Variants in C12orf42 observed in about 807,000 individuals in gnomAD.
The protein encoded by C12orf42 is chromosome 12 open reading frame 42.
In C12orf42, 25 loss-of-function variants were observed where a neutral mutation model predicts 21.6. The ratio of observed to expected loss-of-function variants is 1.16; its 90% confidence interval spans 0.84 to 1.62. C12orf42 has a LOEUF of 1.62. C12orf42 is among the 40% of genes most tolerant of loss of function. C12orf42 has a pLI of 0.00. For synonymous variants in C12orf42, 174 were observed against 175.0 expected (o/e 0.99, Z 0.05); for missense variants, 483 against 459.3 (o/e 1.05, Z -0.47).
the C12orf42 span, among the ~76,000 whole-genome samples, chr12:103,158,708 G>A: frequency 4.6e-5 from 7 of 151,900 alleles, no homozygotes; most frequent in Admixed American, 6.6e-5. Flanking sequence ...GTGAAACCCC[G>A]TCTCTACTAA....
At chr12:103,543,160 C>T in the C12orf42 span, among the ~76,000 whole-genome samples, 1 of 152,174 alleles carries the variant, frequency 6.6e-6, no homozygotes, top group Admixed American at 6.5e-5. Flanking sequence ...CTAGAGGTGG[C>T]TCTTAAGGAG....
At chr12:103,277,974 A>C (rs576109384) in intron 4 of C12orf42, among the ~76,000 whole-genome samples, 1 of 152,324 alleles carries the variant, frequency 6.6e-6, no homozygotes, top group South Asian at 2.1e-4. Flanking sequence ...TAAGTTGAAG[A>C]ATAAATCACA....
chr12:103,392,220 A>T (rs2047144138), intron 3 of C12orf42, among the ~76,000 whole-genome samples: 2 of 152,068 alleles, frequency 1.3e-5, no homozygotes, highest in South Asian at 4.1e-4. Flanking sequence ...TGTTTTTATT[A>T]GTGTCATTTT....
At chr12:103,206,616 T>C in the C12orf42 span, among the ~76,000 whole-genome samples, 2 of 152,002 alleles carry the variant, frequency 1.3e-5, no homozygotes, top group Non-Finnish European at 2.9e-5. Flanking sequence ...ACTTAAGAGA[T>C]GGGGTCTCAC....
intron 4 of C12orf42, among the ~76,000 whole-genome samples, chr12:103,295,250 C>T (rs925969919): frequency 6.6e-6 from 1 of 152,104 alleles, no homozygotes; most frequent in Non-Finnish European, 1.5e-5. Flanking sequence ...AAAACATTAC[C>T]TCATCCCTTC....
the C12orf42 span, among the ~76,000 whole-genome samples, chr12:103,171,938 T>A: frequency 3.3e-5 from 5 of 151,986 alleles, no homozygotes; most frequent in African/African-American, 1.2e-4. Flanking sequence ...GGAGAAAATG[T>A]AAAAGGCCAG....
At chr12:103,225,125 A>G in the C12orf42 span, among the ~76,000 whole-genome samples, 1 of 152,178 alleles carries the variant, frequency 6.6e-6, no homozygotes, top group African/African-American at 2.4e-5. Context: ...AGGCTGGGAC[A>G]AGGGGTGCAG....
At chr12:103,386,873 A>T (rs186564114) in intron 3 of C12orf42, among the ~76,000 whole-genome samples, 1 of 152,142 alleles carries the variant, frequency 6.6e-6, no homozygotes, top group African/African-American at 2.4e-5. Flanking sequence ...CTTGGGAAAA[A>T]TCCCTAACCG....
chr12:103,302,013 T>C lies in C12orf42; in HGVS notation c.*95A>G. The C allele has an allele frequency of 7.5e-7, 1 of 1,330,764 alleles. No homozygotes were observed. Among genetic ancestry groups the C allele is most frequent in the Non-Finnish European group, 1.0e-6 (1 of 966,104 alleles). 82.4% of individuals were successfully genotyped at this position (1,330,764 alleles called of 1,614,324 possible). Reference sequence around the variant, plus strand: ...CTTCACAAAAGCCTAACAATGGTTCTGTGGAAACCAGTACATCTGAGGCCC... The same window carrying C: ...CTTCACAAAAGCCTAACAATGGTTCCGTGGAAACCAGTACATCTGAGGCCC... On this transcript the variant is annotated 3_prime_UTR_variant, in exon 6 of 6. Coordinates refer to ENST00000548883, the MANE Select transcript of C12orf42 (RefSeq NM_198521.5).
intron 5 of C12orf42, chr12:103,270,382 G>T (rs189380642): frequency 7.1e-6 from 1 of 141,412 alleles, no homozygotes; most frequent in Non-Finnish European, 1.5e-5. Flanking sequence ...GGAAGGAAGG[G>T]AGGGAGGGAG....
At chr12:103,047,962 G>A in the C12orf42 span, among the ~76,000 whole-genome samples, 3 of 152,142 alleles carry the variant, frequency 2.0e-5, no homozygotes, top group Admixed American at 6.5e-5. Flanking sequence ...AGTAAATCAC[G>A]AGGCCAGCCC....
At chr12:103,379,976 G>T (rs989020977) in intron 3 of C12orf42, among the ~76,000 whole-genome samples, 6 of 152,104 alleles carry the variant, frequency 3.9e-5, no homozygotes, top group African/African-American at 1.4e-4. Flanking sequence ...ATTGGTTTGG[G>T]CTTTTTCTTT....
chr12:103,322,976 AGTTCCATTCTATTT>A (rs924439883), intron 4 of C12orf42, among the ~76,000 whole-genome samples: 1 of 152,196 alleles, frequency 6.6e-6, no homozygotes, highest in African/African-American at 2.4e-5. Flanking sequence ...AATACTGCTC[AGTTCCATTCTATTT>A]GTTCCATTCT....
At chr12:103,206,055 C>T in the C12orf42 span, among the ~76,000 whole-genome samples, 1 of 152,174 alleles carries the variant, frequency 6.6e-6, no homozygotes, top group Non-Finnish European at 1.5e-5. Flanking sequence ...TTACTCTTGG[C>T]CACGGGGAAC....
At chr12:103,199,482 C>T in the C12orf42 span, among the ~76,000 whole-genome samples, 1 of 152,090 alleles carries the variant, frequency 6.6e-6, no homozygotes, top group Non-Finnish European at 1.5e-5. Context: ...ACCTAAAAGT[C>T]TTCCTCACAG....
the C12orf42 span, among the ~76,000 whole-genome samples, chr12:103,146,275 G>A: frequency 6.6e-6 from 1 of 151,794 alleles, no homozygotes; most frequent in Non-Finnish European, 1.5e-5. Context: ...GAGGTCAGGA[G>A]TTTGAGACCA....
chr12:103,498,658 G>A (rs1371987021), upstream of C12orf42, among the ~76,000 whole-genome samples: 1 of 151,998 alleles, frequency 6.6e-6, no homozygotes, highest in African/African-American at 2.4e-5. Context: ...AAGAAAATGT[G>A]GTACATATAC....
At chr12:103,487,652 A>C (rs1435785175) in intron 1 of C12orf42, among the ~76,000 whole-genome samples, 1 of 152,220 alleles carries the variant, frequency 6.6e-6, no homozygotes, top group East Asian at 1.9e-4. Flanking sequence ...CATTGGGTGC[A>C]TATATATTTA....
At chr12:103,481,816 TC>T (rs765259307) in intron 1 of C12orf42, among the ~76,000 whole-genome samples, 1 of 151,700 alleles carries the variant, frequency 6.6e-6, no homozygotes, top group Non-Finnish European at 1.5e-5. Flanking sequence ...GTTTTTTTTT[TC>T]CCTACACTTT....
Sources: allele counts gnomAD v4.1 joint callset (sites outside exome capture counted in the v4.1 genomes callset), GRCh38; gene constraint gnomAD v4.1.1; transcripts MANE v1.5; gene names NCBI Gene and HGNC (gene_info 2026-07-23, HGNC 2026-07-21).